DLGAP2: variants seen among roughly 807,000 people sequenced by gnomAD.
The protein encoded by DLGAP2 is disks large-associated protein 2.
A neutral mutation model predicts 100.3 loss-of-function variants in DLGAP2; 26 were observed. The ratio of observed to expected loss-of-function variants is 0.26; its 90% CI spans 0.19 to 0.36. The LOEUF (loss-of-function observed/expected upper bound fraction) is 0.36, where lower values mean the gene tolerates loss of function less well. Ranked by LOEUF, DLGAP2 falls within the 10% of genes least tolerant of loss-of-function variation. The probability of loss-of-function intolerance (pLI) is 1.00; values close to 1 mark genes in which losing one functional copy is unlikely to be tolerated. For missense variants in DLGAP2, 1,858 were observed against 1,453.2 expected, an observed-to-expected ratio of 1.28 and a Z score of -4.53; for synonymous variants, 886 against 630.1, an observed-to-expected ratio of 1.41 and a Z score of -6.08.
chr8:1,458,155 C>T (rs1798374691), intron 3 of DLGAP2, among the ~76,000 whole-genome samples: 1 of 151,598 alleles, frequency 6.6e-6, no homozygotes, highest in Non-Finnish European at 1.5e-5. Context: ...ATCCACCCGC[C>T]TCGGCCTCCC....
chr8:753,349 C>A (rs1245399240), intron 1 of DLGAP2: 1 of 152,174 alleles, frequency 6.6e-6, no homozygotes, highest in Non-Finnish European at 1.5e-5. Flanking sequence ...CTCACAGGGC[C>A]CTGGTGGGTT....
chr8:1,551,779 A>G (rs1801775552), intron 5 of DLGAP2, among the ~76,000 whole-genome samples: 1 of 128,170 alleles, frequency 7.8e-6, no homozygotes, highest in Non-Finnish European at 1.8e-5. Flanking sequence ...TTGATCTCCC[A>G]GAGATCCACA....
chr8:737,977 C>G (rs920152483), intron 1 of DLGAP2, 152 bp downstream of exon 1: 1 of 329,964 alleles, frequency 3.0e-6, no homozygotes, highest in Admixed American at 4.9e-5. Flanking sequence ...CCGCCGGGGC[C>G]GGAGCGCTGG....
rs151123038 is a variant in DLGAP2, at chr8:1,381,390, T to C, written c.107-119976T>C. 7.2e-5 allele frequency: 11 copies of C among 152,336 alleles called. No individual in the cohort carries two copies. The East Asian group carries it at 1.3e-3, about 19-fold the overall frequency. The allele number at this position is 152,336 out of a possible 1,614,324, so 9.4% of individuals were successfully genotyped here. A position where few individuals can be genotyped will look rare whatever the true frequency, so the allele number is the denominator to read the frequency against. ...CATTTCTGTGGGCCAGTTTGGCAAT[T>C]TGAACTGAGCGTAACTCTTTTGTAC... On this transcript the variant is annotated intron_variant, in intron 3 of 14. Transcript: ENST00000637795.
intron 9 of DLGAP2, 86 bp downstream of exon 9, chr8:1,668,764 C>T: frequency 2.4e-6 from 3 of 1,259,120 alleles, no homozygotes; most frequent in Non-Finnish European, 3.2e-6. Context: ...ACCAGCGGCC[C>T]TGGGTCCTTA....
chr8:928,467 C>A (rs933437760), intron 2 of DLGAP2, among the ~76,000 whole-genome samples: 1 of 152,130 alleles, frequency 6.6e-6, no homozygotes, highest in Non-Finnish European at 1.5e-5. Flanking sequence ...AGGAACAGGT[C>A]CCCAGCTTGG....
At chr8:1,140,045 G>A (rs1053600744) in intron 2 of DLGAP2, among the ~76,000 whole-genome samples, 1 of 152,104 alleles carries the variant, frequency 6.6e-6, no homozygotes, top group African/African-American at 2.4e-5. Flanking sequence ...ATTTTAAATG[G>A]TGCTTTTTTT....
intron 4 of DLGAP2, among the ~76,000 whole-genome samples, chr8:1,508,281 CCG>C (rs1800005922): frequency 8.3e-6 from 1 of 120,770 alleles, no homozygotes; most frequent in Non-Finnish European, 1.9e-5. Context: ...CTGCCATACC[CCG>C]CAAACCCCCG....
intron 2 of DLGAP2, among the ~76,000 whole-genome samples, chr8:962,805 C>T (rs1799757997): frequency 1.3e-5 from 2 of 152,176 alleles, no homozygotes; most frequent in African/African-American, 4.8e-5. Flanking sequence ...GCGCAGGACA[C>T]TTTGCTGTGG....
chr8:1,007,958 C>T (rs1051260900), intron 2 of DLGAP2, among the ~76,000 whole-genome samples: 3 of 152,142 alleles, frequency 2.0e-5, no homozygotes, highest in East Asian at 3.8e-4. Context: ...GGTGACAGGA[C>T]GCCCTCCATA....
intron 2 of DLGAP2, among the ~76,000 whole-genome samples, chr8:1,139,097 G>T (rs892782308): frequency 6.6e-6 from 1 of 152,236 alleles, no homozygotes; most frequent in Non-Finnish European, 1.5e-5. Flanking sequence ...TGTTTCCTCG[G>T]GTGATGACTG....
intron 3 of DLGAP2, among the ~76,000 whole-genome samples, chr8:1,303,229 C>G (rs1336844766): frequency 1.3e-5 from 2 of 152,060 alleles, no homozygotes; most frequent in African/African-American, 4.8e-5. Flanking sequence ...AACCCCGTCT[C>G]TACTAAAAAT....
chr8:788,865 C>T (rs2132636340), intron 1 of DLGAP2, among the ~76,000 whole-genome samples: 1 of 152,242 alleles, frequency 6.6e-6, no homozygotes, highest in South Asian at 2.1e-4. Flanking sequence ...TGTTATGCTT[C>T]CACTGCTGGT....
chr8:1,118,250 C>T (rs761645982), intron 2 of DLGAP2, among the ~76,000 whole-genome samples: 1 of 152,138 alleles, frequency 6.6e-6, no homozygotes, highest in Non-Finnish European at 1.5e-5. Flanking sequence ...GATGTGAGCT[C>T]GGGGGAACTT....
At chr8:1,540,938 C>T (rs1412222705) in intron 4 of DLGAP2, among the ~76,000 whole-genome samples, 1 of 152,230 alleles carries the variant, frequency 6.6e-6, no homozygotes, top group Non-Finnish European at 1.5e-5. Flanking sequence ...CAAAGCGGCT[C>T]CTGTGAGCAC....
At chr8:788,494 A>G (rs913624065) in intron 1 of DLGAP2, among the ~76,000 whole-genome samples, 5 of 152,222 alleles carry the variant, frequency 3.3e-5, no homozygotes, top group Admixed American at 3.3e-4. Context: ...CAAGTTTGGC[A>G]CCATCCCAGG....
At chr8:1,497,362 A>G (rs1224448607) in intron 3 of DLGAP2, among the ~76,000 whole-genome samples, 1 of 152,166 alleles carries the variant, frequency 6.6e-6, no homozygotes, top group African/African-American at 2.4e-5. Flanking sequence ...GGAAGTAAAG[A>G]GGCTAGGTGG....
intron 8 of DLGAP2, among the ~76,000 whole-genome samples, chr8:1,635,390 C>T (rs565119385): frequency 6.6e-6 from 1 of 152,106 alleles, no homozygotes; most frequent in Non-Finnish European, 1.5e-5. Context: ...AGGCGGATTT[C>T]AAAAATTTTC....
intron 3 of DLGAP2, among the ~76,000 whole-genome samples, chr8:1,312,549 G>A (rs905682879): frequency 6.6e-6 from 1 of 152,168 alleles, no homozygotes; most frequent in African/African-American, 2.4e-5. Flanking sequence ...AGAGGGAACG[G>A]GAGTTATTTC....
Sources: gnomAD v4.1 joint callset for allele counts (sites outside exome capture counted in the v4.1 genomes callset) on GRCh38, gnomAD v4.1.1 for gene constraint, MANE v1.5 for transcripts, NCBI Gene and HGNC (gene_info 2026-07-23, HGNC 2026-07-21) for gene names.